Variants in DCAF5 observed in about 807,000 individuals in gnomAD.
DCAF5 encodes DDB1 and CUL4 associated factor 5.
In DCAF5, 9 loss-of-function variants were observed where a neutral mutation model predicts 80.7. The observed-to-expected ratio is 0.11, with a 90% CI of 0.07 to 0.19. The LOEUF is 0.19. DCAF5 is among the 10% of genes least tolerant of loss of function. The probability of loss-of-function intolerance (pLI) is 1.00; values close to 1 mark genes in which losing one functional copy is unlikely to be tolerated. For missense variants in DCAF5, 842 were observed against 1,205.7 expected, an observed-to-expected ratio of 0.70 and a Z score of 4.47; for synonymous variants, 433 against 461.9, an observed-to-expected ratio of 0.94 and a Z score of 0.80.
intron 5 of DCAF5, among the ~76,000 whole-genome samples, chr14:69,111,020 T>C (rs2040347360): frequency 6.6e-6 from 1 of 152,156 alleles, no homozygotes; most frequent in Admixed American, 6.6e-5. Flanking sequence ...TTGTCTACCC[T>C]GATGGCCTTG....
intron 5 of DCAF5, among the ~76,000 whole-genome samples, chr14:69,098,588 A>G (rs1805817766): frequency 6.6e-6 from 1 of 152,140 alleles, no homozygotes; most frequent in Non-Finnish European, 1.5e-5. Flanking sequence ...CAGCAGTTTT[A>G]AAAACACTGA....
intron 1 of DCAF5, among the ~76,000 whole-genome samples, chr14:69,123,608 T>G (rs991292361): frequency 6.6e-6 from 1 of 152,232 alleles, no homozygotes; most frequent in African/African-American, 2.4e-5. Context: ...GTACAGCCAC[T>G]GCCATTATTC....
chr14:69,066,433 C>T (rs1469306940), intron 7 of DCAF5, among the ~76,000 whole-genome samples: 1 of 152,122 alleles, frequency 6.6e-6, no homozygotes, highest in Non-Finnish European at 1.5e-5. Context: ...CTGCACCTGG[C>T]CAGCTGACAC....
In DCAF5 at chr14:69,054,683, C is replaced by T. The variant is rs771884269; in HGVS notation, c.2003G>A (p.Arg668His). 9 of 1,614,172 alleles carry T rather than the reference C, an allele frequency of 5.6e-6. No homozygotes were observed. The East Asian group carries it at 1.1e-4, about 20-fold the overall frequency. The change falls in exon 9 of 9, where the codon CGC becomes CAC. Residue 668 changes from arginine (R) to histidine (H), a missense_variant. Physicochemically the swap from Arg to His is conservative, Grantham distance 29. Coordinates refer to ENST00000341516, the MANE Select transcript of DCAF5 (RefSeq NM_003861.3). Reference protein sequence around the residue: ...RKIYKAYKWLRYSYISYSNNK... With the variant: ...RKIYKAYKWLHYSYISYSNNK... ...ATTTGAGTAGGAGATATAAGAGTAGCGGAGCCACTTGTAAGCTTTATAAAT... is the reference window on the plus strand; with the variant it reads ...ATTTGAGTAGGAGATATAAGAGTAGTGGAGCCACTTGTAAGCTTTATAAAT...
At chr14:69,065,167 G>A (rs956057557) in intron 7 of DCAF5, among the ~76,000 whole-genome samples, 82 of 138,780 alleles carry the variant, frequency 5.9e-4, no homozygotes, top group African/African-American at 2.2e-3. Flanking sequence ...GCTCGATCTC[G>A]GCTCACTGCA....
At chr14:69,150,722 C>CAAAA (rs11442310) in intron 1 of DCAF5, among the ~76,000 whole-genome samples, 1 of 137,308 alleles carries the variant, frequency 7.3e-6, no homozygotes, top group African/African-American at 2.7e-5. Flanking sequence ...TCCACCTCTA[C>CAAAA]AAAAAAAAAA....
intron 5 of DCAF5, among the ~76,000 whole-genome samples, chr14:69,105,819 C>G (rs561138315): frequency 1.3e-5 from 2 of 148,382 alleles, no homozygotes; most frequent in African/African-American, 4.9e-5. Flanking sequence ...CAGACTTGAA[C>G]TGACCACTCT....
chr14:69,113,759 C>G (rs554647313), intron 5 of DCAF5, among the ~76,000 whole-genome samples: 1 of 152,306 alleles, frequency 6.6e-6, no homozygotes, highest in African/African-American at 2.4e-5. Context: ...GTAATTTCAT[C>G]CCCAAACTCC....
rs535860304 is a variant in DCAF5 at position 69,125,095 on chromosome 14, A to C, written c.215-2735T>G. On this transcript the variant is annotated intron_variant, in intron 1 of 8. Transcript: ENST00000341516. ...TATGCCAACATCACACAATAAAGTC[A>C]TTGAGCTAAGATTCAAAAGCAAGCA... is the stretch of plus-strand genomic sequence containing the variant. 1.4e-3 allele frequency among the ~76,000 whole-genome samples: 215 copies of C among 152,314 alleles called. 5 individuals are homozygous for C. In the South Asian group the frequency reaches 0.028, roughly 20 times the overall value.
At position 69,054,005 on chromosome 14, in the gene DCAF5, T is replaced by C. The variant is rs748304211; in HGVS notation, c.2681A>G (p.Asn894Ser). 34 of 1,612,564 alleles carry C rather than the reference T, an allele frequency of 2.1e-5. No individual in the cohort carries two copies. The highest frequency in any genetic ancestry group is 1.2e-4 in the African/African-American group (9 of 74,906). The change falls in exon 9 of 9, where the codon AAT (asparagine) becomes AGT (serine). Residue 894 changes from asparagine to serine, a missense_variant. Physicochemically the swap from Asn to Ser is conservative, Grantham distance 46. Transcript: ENST00000341516. The part of the protein sequence containing the change: ...CGSEMACETP[N>S]AGTREDPTDT... The stretch of plus-strand genomic sequence containing the variant: ...AGTGGGGTCCTCTCTTGTTCCAGCA[T>C]TGGGGGTCTCACAGGCCATTTCAGA...
At chr14:69,100,703 C>G (rs2039921462) in intron 5 of DCAF5, among the ~76,000 whole-genome samples, 1 of 152,144 alleles carries the variant, frequency 6.6e-6, no homozygotes, top group African/African-American at 2.4e-5. Flanking sequence ...GAATAGAAAA[C>G]AGATTCAAAA....
chr14:69,110,759 T>C (rs2040333962), intron 5 of DCAF5, among the ~76,000 whole-genome samples: 1 of 151,562 alleles, frequency 6.6e-6, no homozygotes, highest in Non-Finnish European at 1.5e-5. Flanking sequence ...GAGCCTGTGG[T>C]CTCAGCTACT....
At chr14:69,102,828 T>C (rs1047697858) in intron 5 of DCAF5, among the ~76,000 whole-genome samples, 3 of 152,170 alleles carry the variant, frequency 2.0e-5, no homozygotes, top group Non-Finnish European at 4.4e-5. Context: ...TACACTAAAA[T>C]AACTATAAGA....
chr14:69,139,432 C>T (rs902600376), intron 1 of DCAF5, among the ~76,000 whole-genome samples: 6 of 151,736 alleles, frequency 4.0e-5, no homozygotes, highest in South Asian at 2.1e-4. Context: ...CTTAGGAGGT[C>T]GAAGCTTCAG....
chr14:69,084,856 A>C, intron 6 of DCAF5: 1 of 1,149,350 alleles, frequency 8.7e-7, no homozygotes, highest in Non-Finnish European at 1.3e-6. Context: ...ACATTACTGA[A>C]GTCAACTGGA....
rs201561102 is a variant in DCAF5 at position 69,091,670 on chromosome 14, T to A, written c.879+4A>T. The A allele has an allele frequency of 8.8e-4, 1,425 of 1,613,372 alleles. 1 individual carries two copies. The highest frequency in any genetic ancestry group is 1.0e-3 in the Non-Finnish European group (1,220 of 1,179,350). ...GTGAGATGCAGGAGGCAGACAGCAT[T>A]TACCTGGTCACGATCTCCTGCAAAA... On this transcript the variant is annotated splice_donor_region_variant and intron_variant, in intron 6 of 8. Coordinates refer to ENST00000341516, the MANE Select transcript of DCAF5 (RefSeq NM_003861.3).
intron 1 of DCAF5, among the ~76,000 whole-genome samples, chr14:69,133,255 G>C (rs2041093318): frequency 6.6e-6 from 1 of 152,212 alleles, no homozygotes; most frequent in Non-Finnish European, 1.5e-5. Context: ...TGTGGCTCCA[G>C]AAACCATGCT....
At chr14:69,101,552 A>T in intron 5 of DCAF5, among the ~76,000 whole-genome samples, 1 of 152,250 alleles carries the variant, frequency 6.6e-6, no homozygotes, top group East Asian at 1.9e-4. Flanking sequence ...CAGAGAGTCA[A>T]AGGTTGACTC....
intron 7 of DCAF5, among the ~76,000 whole-genome samples, chr14:69,073,481 T>G (rs72718283): frequency 0.024 from 3,656 of 152,118 alleles, 68 homozygotes; most frequent in Middle Eastern, 0.037. Flanking sequence ...GTCGACATCC[T>G]AAATCAGTAA....
Sources: allele counts gnomAD v4.1 joint callset (sites outside exome capture counted in the v4.1 genomes callset), GRCh38; gene constraint gnomAD v4.1.1; transcripts MANE v1.5; gene names NCBI Gene and HGNC (gene_info 2026-07-23, HGNC 2026-07-21).